Variants in OPCML observed in about 807,000 individuals in gnomAD.
The protein encoded by OPCML is opioid binding protein/cell adhesion molecule like.
A neutral mutation model predicts 37.8 loss-of-function variants in OPCML; 13 were observed. The ratio of observed to expected loss-of-function variants is 0.34; its 90% CI spans 0.22 to 0.55. OPCML has a LOEUF of 0.55. Among genes scored for constraint, OPCML ranks in the 20% least tolerant of loss-of-function variants. The pLI is 0.91. For synonymous variants in OPCML, 176 were observed against 168.8 expected (o/e 1.04, Z -0.33); for missense variants, 341 against 435.6 (o/e 0.78, Z 1.93).
rs531268759 is a variant in OPCML, at chr11:132,502,114, C to T, written c.505+26947G>A. 9.8e-5 allele frequency among the ~76,000 whole-genome samples: 15 copies of T among 152,304 alleles called. No individual in the cohort carries two copies. In the East Asian group the frequency reaches 2.1e-3, roughly 22 times the overall value. ...TGTATTATAGACATGTTTTATGAAG[C>T]TGTACAAGAATTTCCCAGAGGATCT... On this transcript the variant is annotated intron_variant, in intron 4 of 7. Coordinates refer to ENST00000524381, the MANE Select transcript of OPCML (RefSeq NM_001012393.5).
At chr11:133,006,093 G>A in intron 1 of OPCML, 3 of 985,392 alleles carry the variant, frequency 3.0e-6, no homozygotes. Context: ...TGAGACCAGG[G>A]TTTCTGGCAT....
At chr11:132,442,232 T>C (rs1350885546) in intron 4 of OPCML, among the ~76,000 whole-genome samples, 2 of 152,224 alleles carry the variant, frequency 1.3e-5, no homozygotes, top group African/African-American at 4.8e-5. Flanking sequence ...TTGTCATTTC[T>C]AGATGCCTCA....
At chr11:133,221,966 C>A (rs1053117295) in intron 1 of OPCML, among the ~76,000 whole-genome samples, 61 of 152,196 alleles carry the variant, frequency 4.0e-4, no homozygotes, top group African/African-American at 1.4e-3. Context: ...TCTGGGGTGA[C>A]AAAGCTGAAG....
chr11:132,996,046 G>C (rs543745430), intron 1 of OPCML, among the ~76,000 whole-genome samples: 1 of 152,060 alleles, frequency 6.6e-6, no homozygotes, highest in African/African-American at 2.4e-5. Context: ...GCCATCCATG[G>C]GTCTTGCTCG....
chr11:132,811,804 C>T (rs1204733426), intron 2 of OPCML, among the ~76,000 whole-genome samples: 3 of 152,148 alleles, frequency 2.0e-5, no homozygotes, highest in African/African-American at 7.2e-5. Flanking sequence ...CAATCATACC[C>T]TAGTTTAAAA....
chr11:132,473,943 C>T (rs995445075), intron 4 of OPCML, among the ~76,000 whole-genome samples: 1 of 152,186 alleles, frequency 6.6e-6, no homozygotes, highest in Non-Finnish European at 1.5e-5. Context: ...TAACAGCACT[C>T]TCTACAATCT....
chr11:132,942,649 G>A (rs2136674454), intron 2 of OPCML, among the ~76,000 whole-genome samples: 1 of 152,288 alleles, frequency 6.6e-6, no homozygotes, highest in South Asian at 2.1e-4. Flanking sequence ...CCAAGCAGGA[G>A]AGAATCTAGC....
chr11:132,492,302 C>T (rs1235946103), intron 4 of OPCML, among the ~76,000 whole-genome samples: 1 of 151,828 alleles, frequency 6.6e-6, no homozygotes, highest in African/African-American at 2.4e-5. Flanking sequence ...CAGTTAAGGG[C>T]CCTGCAAAAC....
rs566139260 is a variant in OPCML at position 133,421,733 on chromosome 11, C to T, written c.61+110531G>A. The T allele has an allele frequency of 7.1e-6, 7 of 985,362 alleles. No homozygotes were observed. In the African/African-American group the frequency reaches 1.2e-4, roughly 17 times the overall value. 61.0% of individuals were successfully genotyped at this position (985,362 alleles called of 1,614,324 possible). ...GGAATAACCAAGATAAACATCCTAG[C>T]AAACAAACTGTGGCAATGACACCAA... On this transcript the variant is annotated intron_variant, in intron 1 of 7. Coordinates refer to ENST00000524381, the MANE Select transcript of OPCML (RefSeq NM_001012393.5).
intron 2 of OPCML, among the ~76,000 whole-genome samples, chr11:132,877,921 C>A (rs1943080650): frequency 6.6e-6 from 1 of 152,148 alleles, no homozygotes; most frequent in South Asian, 2.1e-4. Context: ...TTTTCCCTGA[C>A]AAATATACAT....
chr11:132,874,627 G>A (rs994383458), intron 2 of OPCML, among the ~76,000 whole-genome samples: 1 of 152,142 alleles, frequency 6.6e-6, no homozygotes, highest in Non-Finnish European at 1.5e-5. Context: ...AGGAAACATA[G>A]TTGTTACCAC....
At chr11:133,444,274 T>C (rs983932862) in intron 1 of OPCML, among the ~76,000 whole-genome samples, 3 of 152,124 alleles carry the variant, frequency 2.0e-5, no homozygotes, top group African/African-American at 7.2e-5. Context: ...AGTCATTTGG[T>C]GACATAGAAA....
intron 1 of OPCML, among the ~76,000 whole-genome samples, chr11:133,334,695 A>G (rs913712517): frequency 7.9e-5 from 12 of 152,194 alleles, no homozygotes; most frequent in African/African-American, 2.9e-4. Flanking sequence ...GCCTCTTTTC[A>G]GATGTTAGGG....
In OPCML at chr11:132,720,647, T is replaced by A. The variant is rs924038401; in HGVS notation, c.147-63328A>T. 2.0e-5 allele frequency among the ~76,000 whole-genome samples: 3 copies of A among 152,236 alleles called. No homozygotes were observed. The East Asian group carries it at 5.8e-4, about 29-fold the overall frequency. On this transcript the variant is annotated intron_variant, in intron 2 of 7. Coordinates refer to ENST00000524381, the MANE Select transcript of OPCML (RefSeq NM_001012393.5). ...TATTTACCCGGGAATTTATTCTGGA[T>A]GGAATTATGGAGAGATGATTTCTAA... is the stretch of plus-strand genomic sequence containing the variant.
At chr11:133,024,426 G>C in intron 1 of OPCML, 1 of 984,914 alleles carries the variant, frequency 1.0e-6, no homozygotes, top group Non-Finnish European at 1.2e-6. Context: ...AGGAATTGTA[G>C]GTCAAGCACA....
chr11:132,779,242 A>G (rs1309255154), intron 2 of OPCML, among the ~76,000 whole-genome samples: 3 of 152,170 alleles, frequency 2.0e-5, no homozygotes, highest in African/African-American at 7.2e-5. Context: ...TGCTGGGATT[A>G]CAGGCATGAG....
At chr11:132,778,556 C>T (rs1208585993) in intron 2 of OPCML, among the ~76,000 whole-genome samples, 1 of 152,074 alleles carries the variant, frequency 6.6e-6, no homozygotes, top group African/African-American at 2.4e-5. Context: ...ATTTTACATC[C>T]GTGTTTTTCT....
At chr11:132,720,155 C>T (rs375257335) in intron 2 of OPCML, among the ~76,000 whole-genome samples, 56 of 152,270 alleles carry the variant, frequency 3.7e-4, no homozygotes, top group African/African-American at 1.2e-3. Context: ...TTAGCCCATG[C>T]GAGAGAGACT....
chr11:132,697,422 A>G lies in OPCML; in HGVS notation c.147-40103T>C, dbSNP rs150588045. On this transcript the variant is annotated intron_variant, in intron 2 of 7. Transcript: ENST00000524381. ...ACCAAAATGTTGTATCATTTGACAA[A>G]CATCTCCCTGCTTCCCTCCTCCTCC... Among the ~76,000 whole-genome samples the G allele has an allele frequency of 1.9e-3, 291 of 152,222 alleles. 3 individuals carry two copies. Among genetic ancestry groups the G allele is most frequent in the African/African-American group, 6.6e-3 (274 of 41,556 alleles).
Sources: gnomAD v4.1 joint callset for allele counts (sites outside exome capture counted in the v4.1 genomes callset) on GRCh38, gnomAD v4.1.1 for gene constraint, MANE v1.5 for transcripts, NCBI Gene and HGNC (gene_info 2026-07-23, HGNC 2026-07-21) for gene names.